NFKB1: variants seen among roughly 807,000 people sequenced by gnomAD.
NFKB1 encodes nuclear factor kappa B subunit 1.
Under a neutral mutation model 105.1 loss-of-function variants are expected in NFKB1, and 9 were observed. The observed-to-expected ratio is 0.09, with a 90% CI of 0.05 to 0.15. The LOEUF is 0.15. NFKB1 is among the 10% of genes least tolerant of loss of function. The pLI is 1.00. For missense variants in NFKB1, 830 were observed against 1,203.7 expected, an observed-to-expected ratio of 0.69 and a Z score of 4.59; for synonymous variants, 440 against 442.2, an observed-to-expected ratio of 1.00 and a Z score of 0.06.
At chr4:102,600,623 A>C (rs151332524) in intron 15 of NFKB1, among the ~76,000 whole-genome samples, 1 of 152,320 alleles carries the variant, frequency 6.6e-6, no homozygotes, top group African/African-American at 2.4e-5. Flanking sequence ...CAGTGTGTTT[A>C]TACATCAAGG....
chr4:102,603,549 AC>A (rs1204731036), intron 16 of NFKB1, among the ~76,000 whole-genome samples: 2 of 151,688 alleles, frequency 1.3e-5, no homozygotes, highest in African/African-American at 4.8e-5. Context: ...CTACCTTACC[AC>A]CAGTCTGATT....
At chr4:102,533,089 A>G (rs534114112) in intron 3 of NFKB1, among the ~76,000 whole-genome samples, 1 of 152,168 alleles carries the variant, frequency 6.6e-6, no homozygotes, top group Non-Finnish European at 1.5e-5. Context: ...TCAGTATTTT[A>G]TAAAATGCCT....
At chr4:102,593,355 G>A in intron 11 of NFKB1, 70 bp from the exon 12 acceptor site, 2 of 1,337,432 alleles carry the variant, frequency 1.5e-6, no homozygotes, top group Non-Finnish European at 2.1e-6. Context: ...TAGAATCAGT[G>A]GTCTTTCTGT....
intron 16 of NFKB1, among the ~76,000 whole-genome samples, chr4:102,605,040 A>C (rs902925367): frequency 2.6e-5 from 4 of 152,028 alleles, no homozygotes; most frequent in Non-Finnish European, 5.9e-5. Context: ...GATAATTTAT[A>C]ATTCCTGAAT....
chr4:102,580,853 T>C (rs1487985138), intron 9 of NFKB1, among the ~76,000 whole-genome samples: 1 of 152,234 alleles, frequency 6.6e-6, no homozygotes. Context: ...AGATTTCCCA[T>C]GGAAGTAAAA....
chr4:102,572,308 G>A (rs1230256023), intron 6 of NFKB1, among the ~76,000 whole-genome samples: 1 of 134,368 alleles, frequency 7.4e-6, no homozygotes, highest in African/African-American at 2.8e-5. Flanking sequence ...CACAGGGTGG[G>A]GAATATCACA....
At chr4:102,534,889 C>T (rs376686635) in intron 4 of NFKB1, among the ~76,000 whole-genome samples, 10 of 152,150 alleles carry the variant, frequency 6.6e-5, no homozygotes, top group African/African-American at 2.4e-4. Flanking sequence ...TTTCCAGAAT[C>T]GTGACATTAT....
At chr4:102,533,629 G>T (rs545395038) in intron 3 of NFKB1, among the ~76,000 whole-genome samples, 1 of 152,260 alleles carries the variant, frequency 6.6e-6, no homozygotes, top group South Asian at 2.1e-4. Context: ...ACTTATTGTG[G>T]TTCGCTAAAC....
intron 5 of NFKB1, among the ~76,000 whole-genome samples, chr4:102,556,885 T>A (rs1723027110): frequency 6.6e-6 from 1 of 152,164 alleles, no homozygotes; most frequent in African/African-American, 2.4e-5. Flanking sequence ...TCATCATCAT[T>A]ATCCAGAAGG....
rs189885996 is a variant in NFKB1, at chr4:102,581,171, A to G, written c.835+532A>G. ...TCTCTCACAATTTTCCCTTTGAGGA[A>G]AGGTTCTTGGCGTTTATCTTTCATT... On this transcript the variant is annotated intron_variant, in intron 9 of 23. Transcript: ENST00000226574. Among the ~76,000 whole-genome samples, 434 of 152,304 alleles carry G rather than the reference A, an allele frequency of 2.8e-3. 2 individuals are homozygous for G. Among genetic ancestry groups the G allele is most frequent in the African/African-American group, 0.01 (419 of 41,570 alleles).
chr4:102,522,739 G>T (rs1157634219), intron 1 of NFKB1, among the ~76,000 whole-genome samples: 2 of 152,074 alleles, frequency 1.3e-5, no homozygotes, highest in Non-Finnish European at 2.9e-5. Flanking sequence ...ATTTATGAAG[G>T]TTCAGGAGAT....
intron 5 of NFKB1, among the ~76,000 whole-genome samples, chr4:102,539,606 C>G (rs1046777262): frequency 6.6e-6 from 1 of 152,108 alleles, no homozygotes; most frequent in African/African-American, 2.4e-5. Flanking sequence ...TGAGGAGCAG[C>G]AATAAAGAAC....
intron 5 of NFKB1, among the ~76,000 whole-genome samples, chr4:102,552,022 C>T (rs1420427217): frequency 6.6e-6 from 1 of 152,076 alleles, no homozygotes; most frequent in Admixed American, 6.6e-5. Flanking sequence ...AATGTGACTA[C>T]GAAACAAGTA....
chr4:102,612,760 C>T (rs1728545820), intron 22 of NFKB1, among the ~76,000 whole-genome samples, 154 bp downstream of exon 22: 1 of 152,176 alleles, frequency 6.6e-6, no homozygotes, highest in Non-Finnish European at 1.5e-5. Context: ...GCCAAGTTGG[C>T]AGCCCATCTT....
intron 1 of NFKB1, among the ~76,000 whole-genome samples, chr4:102,514,047 C>T (rs558738059): frequency 2.6e-5 from 4 of 151,856 alleles, no homozygotes; most frequent in South Asian, 2.1e-4. Context: ...TTGTGGTGGG[C>T]GCCTGTAGTC....
intron 1 of NFKB1, among the ~76,000 whole-genome samples, chr4:102,502,390 G>GCGCGCACACACACACACACACA (rs1311577382): frequency 9.5e-6 from 1 of 105,392 alleles, no homozygotes; most frequent in African/African-American, 4.2e-5. Flanking sequence ...GCGCGCGCGC[G>GCGCGCACACACACACACACACA]CACACACACA....
rs924269461 is a variant in NFKB1, at chr4:102,611,975, A to G, written c.2353-69A>G. 1.6e-5 allele frequency: 20 copies of G among 1,276,600 alleles called. No homozygotes were observed. The Admixed American group carries it at 2.5e-4, about 16-fold the overall frequency. The allele number at this position is 1,276,600 out of a possible 1,614,324, so 79.1% of individuals were successfully genotyped here. On this transcript the variant is annotated intron_variant, in intron 20 of 23. Transcript: ENST00000226574. ...AGGAGGACATGCTGAGTTGTTTATT[A>G]TAAAGAAACAGACTGCCCTAGTGGT...
intron 7 of NFKB1, 192 bp from the exon 8 acceptor site, chr4:102,578,689 T>G (rs780696969): frequency 4.3e-5 from 23 of 538,384 alleles, no homozygotes; most frequent in African/African-American, 3.2e-4. Flanking sequence ...AATGCAGGTC[T>G]TCTTTGATGC....
chr4:102,613,603 A>C (rs765462555), intron 23 of NFKB1, 22 bp downstream of exon 23: 2 of 1,606,304 alleles, frequency 1.2e-6, no homozygotes, highest in Admixed American at 1.7e-5. Context: ...GACAAAAGAC[A>C]GTGGAGATAT....
Sources: allele counts gnomAD v4.1 joint callset (sites outside exome capture counted in the v4.1 genomes callset), GRCh38; gene constraint gnomAD v4.1.1; transcripts MANE v1.5; gene names NCBI Gene and HGNC (gene_info 2026-07-23, HGNC 2026-07-21).